ZFYVE28: variants seen among roughly 807,000 people sequenced by gnomAD.
The protein encoded by ZFYVE28 is zinc finger FYVE-type containing 28.
Under a neutral mutation model 82.1 loss-of-function variants are expected in ZFYVE28, and 40 were observed. The ratio of observed to expected loss-of-function variants is 0.49; its 90% CI spans 0.38 to 0.63. The LOEUF is 0.63. Among genes scored for constraint, ZFYVE28 ranks in the 30% least tolerant of loss-of-function variants. ZFYVE28 has a pLI of 0.00. For missense variants in ZFYVE28, 1,321 were observed against 1,242.1 expected (o/e 1.06, Z -0.96); for synonymous variants, 612 against 546.1 (o/e 1.12, Z -1.68).
At position 2,354,051 on chromosome 4, in the gene ZFYVE28, G is replaced by A; in HGVS notation, c.62C>T (p.Ala21Val). 1 of 1,571,946 alleles carries A rather than the reference G, an allele frequency of 6.4e-7. No homozygotes were observed. Among genetic ancestry groups the A allele is most frequent in the Non-Finnish European group, 8.6e-7 (1 of 1,158,878 alleles). ...CTCCTCGTCGGCATAGTAGAACCGGGCAAGCAGCTGCGGATCCGACCTCTG... is the reference window on the plus strand; with the variant it reads ...CTCCTCGTCGGCATAGTAGAACCGGACAAGCAGCTGCGGATCCGACCTCTG... Reference protein sequence around the residue: ...KPKRSDPQLLARFYYADEELN... With the variant: ...KPKRSDPQLLVRFYYADEELN... Residue 21 changes from alanine (A) to valine (V), a missense_variant, in exon 2 of 13, where the codon GCC (alanine) becomes GTC (valine). Physicochemically the swap from Ala to Val is moderately conservative, Grantham distance 64. Around this residue, in one of 2 missense-constraint regions of ZFYVE28, gnomAD observed 343 missense variants for 408.4 expected, o/e 0.84. Coordinates refer to ENST00000290974, the MANE Select transcript of ZFYVE28 (RefSeq NM_020972.3).
rs1467831811 is a variant in ZFYVE28, at chr4:2,408,036, C to T, written c.39+10249G>A. ...GTGTGGCAGGAGGGCTCCTCCAGAA[C>T]ACCATGTACCTCACTCGGCCAGGCT... On this transcript the variant is annotated intron_variant, in intron 1 of 12. Coordinates refer to ENST00000290974, the MANE Select transcript of ZFYVE28 (RefSeq NM_020972.3). This position sits in a 1 kb window ranked among gnomAD's most constrained non-coding sequence, Gnocchi z 4.3. Among the ~76,000 whole-genome samples, 1 of 152,212 alleles carries T rather than the reference C, an allele frequency of 6.6e-6. No homozygotes were observed. The highest frequency in any genetic ancestry group is 1.5e-5 in the Non-Finnish European group (1 of 68,038).
At chr4:2,411,979 C>T (rs1732566368) in intron 1 of ZFYVE28, among the ~76,000 whole-genome samples, 1 of 152,198 alleles carries the variant, frequency 6.6e-6, no homozygotes, top group African/African-American at 2.4e-5. Context: ...GCAGTCAGCC[C>T]TGGTCCTGAC....
chr4:2,388,467 C>T (rs191792009), intron 1 of ZFYVE28, among the ~76,000 whole-genome samples: 1 of 152,254 alleles, frequency 6.6e-6, no homozygotes, highest in East Asian at 1.9e-4. Flanking sequence ...TCTCCCATCC[C>T]ACTGCTGCAC....
intron 1 of ZFYVE28, chr4:2,364,892 A>C (rs1726668196): frequency 1.0e-6 from 1 of 985,524 alleles, no homozygotes; most frequent in Non-Finnish European, 1.2e-6. Flanking sequence ...TGGACCCCGG[A>C]AGAGGCGGCG....
In ZFYVE28 at chr4:2,339,747, G is replaced by C. The variant is rs1246342997; in HGVS notation, c.319-92C>G. 2 of 1,230,808 alleles carry C rather than the reference G, an allele frequency of 1.6e-6. No individual in the cohort carries two copies. The highest frequency in any genetic ancestry group is 3.0e-5 in the African/African-American group (2 of 66,194). The allele number at this position is 1,230,808 out of a possible 1,614,324, so 76.2% of individuals were successfully genotyped here. On this transcript the variant is annotated intron_variant, in intron 3 of 12. Transcript: ENST00000290974. This position sits in a 1 kb window ranked among gnomAD's most constrained non-coding sequence, Gnocchi z 5.0. The stretch of plus-strand genomic sequence containing the variant: ...GGGGAACCTGACTGCGCACCTCGGG[G>C]CCCCTCTTCTCACCCCACAGCACAG...
At chr4:2,303,054 A>C (rs1039555891) in intron 8 of ZFYVE28, among the ~76,000 whole-genome samples, 1 of 152,188 alleles carries the variant, frequency 6.6e-6, no homozygotes, top group African/African-American at 2.4e-5. Context: ...GAACCCATCG[A>C]TGGAAAGTGA....
chr4:2,336,726 G>C (rs1404746270), intron 5 of ZFYVE28, among the ~76,000 whole-genome samples: 2 of 151,250 alleles, frequency 1.3e-5, no homozygotes, highest in Non-Finnish European at 3.0e-5. Context: ...TAAGGAGTAA[G>C]GAGGTGAGGA....
At position 2,301,560 on chromosome 4, in the gene ZFYVE28, C is replaced by T. The variant is rs73085183; in HGVS notation, c.2051+2729G>A. On this transcript the variant is annotated intron_variant, in intron 8 of 12. Coordinates refer to ENST00000290974, the MANE Select transcript of ZFYVE28 (RefSeq NM_020972.3). Reference sequence around the variant, plus strand: ...CATAAGGCCTGGGAAGCTGAGGCCGCGTTAAGAGGCTGTGTCCATCATGGG... The same window carrying T: ...CATAAGGCCTGGGAAGCTGAGGCCGTGTTAAGAGGCTGTGTCCATCATGGG... 7.8e-3 allele frequency among the ~76,000 whole-genome samples: 1,191 copies of T among 152,228 alleles called. 12 individuals are homozygous for T. The highest frequency in any genetic ancestry group is 0.027 in the African/African-American group (1,118 of 41,532).
chr4:2,289,428 A>G (rs1257008976), intron 8 of ZFYVE28, among the ~76,000 whole-genome samples: 1 of 152,182 alleles, frequency 6.6e-6, no homozygotes, highest in Non-Finnish European at 1.5e-5. Context: ...AGGCTGTAGC[A>G]CAGCCTCCCC....
In ZFYVE28 at chr4:2,270,223, G is replaced by A. The variant is rs1735793664; in HGVS notation, c.*502C>T. The A allele has an allele frequency of 1.8e-5, 3 of 165,442 alleles. No homozygotes were observed. In the South Asian group the frequency reaches 4.7e-4, roughly 26 times the overall value. The allele number at this position is 165,442 out of a possible 1,614,324, so 10.2% of individuals were successfully genotyped here. The stretch of plus-strand genomic sequence containing the variant: ...GGGTGAGGGGTGAGGGCTGGGGAAC[G>A]AGGTGGGCAGCTGATGGGGAGAATG... On this transcript the variant is annotated 3_prime_UTR_variant, in exon 13 of 13. Transcript: ENST00000290974.
chr4:2,403,978 A>C (rs1190390509), intron 1 of ZFYVE28, among the ~76,000 whole-genome samples: 71 of 151,024 alleles, frequency 4.7e-4, no homozygotes, highest in Non-Finnish European at 2.8e-4. Flanking sequence ...TCGGAAAAAA[A>C]AAAAAAAAAA....
intron 1 of ZFYVE28, among the ~76,000 whole-genome samples, chr4:2,414,531 G>A (rs1214954907): frequency 2.6e-5 from 4 of 152,200 alleles, no homozygotes; most frequent in Admixed American, 1.3e-4. Flanking sequence ...AACGGTCTGG[G>A]GGTGCAGACA....
chr4:2,341,507 G>A lies in ZFYVE28; in HGVS notation c.289C>T (p.Leu97=). ...KFPEEIRHDN[L]AGQLWFGAEC... ...GCACCGAACCACAGCTGGCCGGCCAGGTTGTCGTGCCGGATCTCCTCAGGG... is the reference window on the plus strand; with the variant it reads ...GCACCGAACCACAGCTGGCCGGCCAAGTTGTCGTGCCGGATCTCCTCAGGG... Residue 97 remains leucine (L), a synonymous_variant, in exon 3 of 13, where the codon CTG becomes TTG. Coordinates refer to ENST00000290974, the MANE Select transcript of ZFYVE28 (RefSeq NM_020972.3). This position sits in a 1 kb window ranked among gnomAD's most constrained non-coding sequence, Gnocchi z 4.5. 1 of 1,613,834 alleles carries A rather than the reference G, an allele frequency of 6.2e-7. No individual in the cohort carries two copies. The highest frequency in any genetic ancestry group is 8.5e-7 in the Non-Finnish European group (1 of 1,180,002).
Position 2,417,398 on chromosome 4 carries a change from C to T in ZFYVE28, c.39+887G>A, listed in dbSNP as rs1253267649. ...GCGGGCACGAGCCCCAGGCGGGCGG[C>T]GGGGACGCAGCGCCCGCAGTGCGAC... On this transcript the variant is annotated intron_variant, in intron 1 of 12. Coordinates refer to ENST00000290974, the MANE Select transcript of ZFYVE28 (RefSeq NM_020972.3). The surrounding 1 kb of genome is among the most constrained non-coding windows in gnomAD (Gnocchi z 4.8). 1.3e-5 allele frequency among the ~76,000 whole-genome samples: 2 copies of T among 150,952 alleles called. No homozygotes were observed. Among genetic ancestry groups the T allele is most frequent in the Non-Finnish European group, 3.0e-5 (2 of 67,626 alleles).
rs1385958632 is a variant in ZFYVE28 at position 2,416,336 on chromosome 4, C to T, written c.39+1949G>A. Among the ~76,000 whole-genome samples the T allele has an allele frequency of 6.6e-6, 1 of 152,196 alleles. No homozygotes were observed. Among genetic ancestry groups the T allele is most frequent in the Non-Finnish European group, 1.5e-5 (1 of 68,038 alleles). On this transcript the variant is annotated intron_variant, in intron 1 of 12. Coordinates refer to ENST00000290974, the MANE Select transcript of ZFYVE28 (RefSeq NM_020972.3). This position sits in a 1 kb window ranked among gnomAD's most constrained non-coding sequence, Gnocchi z 4.6. ...TTCAACACGATTAGAAGGGTGATCCCCCAAATGCGGCCTCTTCCACAGCCA... is the reference window on the plus strand; with the variant it reads ...TTCAACACGATTAGAAGGGTGATCCTCCAAATGCGGCCTCTTCCACAGCCA...
chr4:2,375,529 T>G (rs1728034950), intron 1 of ZFYVE28, among the ~76,000 whole-genome samples: 1 of 152,212 alleles, frequency 6.6e-6, no homozygotes, highest in Non-Finnish European at 1.5e-5. Context: ...CTGACAAGAA[T>G]GAGCAGCGGC....
chr4:2,408,858 A>G lies in ZFYVE28; in HGVS notation c.39+9427T>C, dbSNP rs1732212272. Reference sequence around the variant, plus strand: ...GATCCACCCAATCCTGACGTGGGGCAGCAGTGATGGTTTGAAGCTCTCAGT... The same window carrying G: ...GATCCACCCAATCCTGACGTGGGGCGGCAGTGATGGTTTGAAGCTCTCAGT... On this transcript the variant is annotated intron_variant, in intron 1 of 12. Transcript: ENST00000290974. The surrounding 1 kb of genome is among the most constrained non-coding windows in gnomAD (Gnocchi z 4.3). Among the ~76,000 whole-genome samples the G allele has an allele frequency of 6.6e-6, 1 of 152,218 alleles. No homozygotes were observed. Among genetic ancestry groups the G allele is most frequent in the Admixed American group, 6.5e-5 (1 of 15,286 alleles).
intron 8 of ZFYVE28, among the ~76,000 whole-genome samples, chr4:2,283,577 CCCAT>C (rs564572115): frequency 7.5e-5 from 11 of 147,032 alleles, no homozygotes; most frequent in South Asian, 2.1e-4. Flanking sequence ...CGTCCATCCA[CCCAT>C]CCATCCATCC....
intron 8 of ZFYVE28, among the ~76,000 whole-genome samples, chr4:2,302,851 C>A (rs1272088071): frequency 6.6e-6 from 1 of 152,238 alleles, no homozygotes; most frequent in Non-Finnish European, 1.5e-5. Flanking sequence ...GTGGACGAAG[C>A]CGGACCCTGG....
Sources: gnomAD v4.1 joint callset for allele counts (sites outside exome capture counted in the v4.1 genomes callset) on GRCh38, gnomAD v4.1.1 for gene constraint, gnomAD v4.1.1 regional missense constraint, Gnocchi (gnomAD v3.1) non-coding constraint, MANE v1.5 for transcripts, NCBI Gene and HGNC (gene_info 2026-07-23, HGNC 2026-07-21) for gene names.